The following COX4I2 variants were observed in gnomAD, a reference collection of about 807,000 sequenced individuals.
COX4I2 encodes the protein cytochrome c oxidase subunit 4 isoform 2, mitochondrial.
COX4I2 carries 15 observed loss-of-function variants against 20.8 expected under a neutral mutation model. The observed-to-expected ratio is 0.72, with a 90% CI of 0.48 to 1.11. COX4I2 has a LOEUF of 1.11. Ranked by LOEUF, COX4I2 falls within the 50% of genes most tolerant of loss-of-function variation. The pLI, the probability that COX4I2 is intolerant of heterozygous loss-of-function variation, is 0.00. For missense variants in COX4I2, 224 were observed against 223.0 expected (o/e 1.00, Z -0.03); for synonymous variants, 80 against 78.1 (o/e 1.02, Z -0.13).
intron 4 of COX4I2, 83 bp from the exon 5 acceptor site, chr20:31,644,685 T>TG: frequency 6.5e-7 from 1 of 1,537,044 alleles, no homozygotes; most frequent in Admixed American, 1.7e-5. Flanking sequence ...TGCGAGTGGC[T>TG]GGGAGGCTAC....
chr20:31,641,415 A>G (rs2060467562), intron 3 of COX4I2, among the ~76,000 whole-genome samples: 2 of 151,892 alleles, frequency 1.3e-5, no homozygotes, highest in Non-Finnish European at 2.9e-5. Flanking sequence ...ACATTCCCCA[A>G]GCAAGATGAT....
At position 31,644,970 on chromosome 20, in the gene COX4I2, C is replaced by T. The variant is rs1052396807; in HGVS notation, c.*66C>T. On this transcript the variant is annotated 3_prime_UTR_variant, in exon 5 of 5. Coordinates refer to ENST00000376075, the MANE Select transcript of COX4I2 (RefSeq NM_032609.3). ...GGGAGCCTCTGGCGGCCCCTCCCCT[C>T]CCCTGCCCTTAACCCCAGTAAAGCT... 1.3e-5 allele frequency: 21 copies of T among 1,575,374 alleles called. No individual in the cohort carries two copies. Among genetic ancestry groups the T allele is most frequent in the Non-Finnish European group, 1.6e-5 (19 of 1,155,888 alleles).
intron 3 of COX4I2, among the ~76,000 whole-genome samples, chr20:31,642,388 A>C (rs1000186674): frequency 2.0e-5 from 3 of 148,436 alleles, no homozygotes; most frequent in Non-Finnish European, 4.5e-5. Flanking sequence ...ATTTATTTTC[A>C]TATTTATTTA....
intron 4 of COX4I2, 83 bp downstream of exon 4, chr20:31,643,618 A>G (rs1284467706): frequency 1.3e-6 from 2 of 1,536,832 alleles, no homozygotes; most frequent in African/African-American, 1.4e-5. Context: ...TAAAGGAACC[A>G]TGCTGGCACT....
intron 4 of COX4I2, among the ~76,000 whole-genome samples, chr20:31,644,334 G>A (rs2094806337): frequency 6.6e-6 from 1 of 152,190 alleles, no homozygotes; most frequent in Admixed American, 6.6e-5. Flanking sequence ...TAGTGGATAG[G>A]ACCTCTTTTG....
intron 2 of COX4I2, chr20:31,639,329 C>A (rs557312713): frequency 1.3e-5 from 13 of 974,230 alleles, no homozygotes; most frequent in Non-Finnish European, 1.6e-5. Context: ...AGGAGCCAGC[C>A]CCCAAGCCTC....
intron 3 of COX4I2, among the ~76,000 whole-genome samples, chr20:31,643,150 C>T (rs1215608254): frequency 1.3e-5 from 2 of 152,236 alleles, no homozygotes; most frequent in African/African-American, 4.8e-5. Flanking sequence ...GTCACCTCCT[C>T]TGAGACACCT....
intron 1 of COX4I2, 135 bp from the exon 2 acceptor site, chr20:31,638,882 AT>A: frequency 1.1e-6 from 1 of 936,932 alleles, no homozygotes; most frequent in East Asian, 2.6e-5. Context: ...GGTCAAGGGC[AT>A]GAGGGTGACC....
Position 31,643,333 on chromosome 20 carries a change from G to A in COX4I2, c.248-71G>A. 5.7e-6 allele frequency: 9 copies of A among 1,588,944 alleles called. No individual in the cohort carries two copies. The South Asian group carries it at 1.0e-4, about 18-fold the overall frequency. On this transcript the variant is annotated intron_variant, in intron 3 of 4. Coordinates refer to ENST00000376075, the MANE Select transcript of COX4I2 (RefSeq NM_032609.3). Reference sequence around the variant, plus strand: ...TGCTGAATGAACAGCATCTGCTGCAGGGAGGGGGAAGCCGGGATCACTTAG... The same window carrying A: ...TGCTGAATGAACAGCATCTGCTGCAAGGAGGGGGAAGCCGGGATCACTTAG...
intron 1 of COX4I2, 116 bp from the exon 2 acceptor site, chr20:31,638,902 C>G: frequency 9.0e-7 from 1 of 1,115,196 alleles, no homozygotes. Context: ...CCTTGAAACA[C>G]TGGGACACCC....
At position 31,639,914 on chromosome 20, in the gene COX4I2, C is replaced by G. The variant is rs746855863; in HGVS notation, c.83-19C>G. Reference sequence around the variant, plus strand: ...TCCCAAGGGCAGCCTGGACTCAGCTCCCTCCATTGTGTCTGCAGCCCGTGG... The same window carrying G: ...TCCCAAGGGCAGCCTGGACTCAGCTGCCTCCATTGTGTCTGCAGCCCGTGG... On this transcript the variant is annotated intron_variant, in intron 2 of 4. Coordinates refer to ENST00000376075, the MANE Select transcript of COX4I2 (RefSeq NM_032609.3). The G allele has an allele frequency of 6.2e-7, 1 of 1,613,818 alleles. No individual in the cohort carries two copies. Among genetic ancestry groups the G allele is most frequent in the South Asian group, 1.1e-5 (1 of 91,074 alleles).
chr20:31,638,273 C>T (rs1006394011), intron 1 of COX4I2, among the ~76,000 whole-genome samples: 4 of 151,684 alleles, frequency 2.6e-5, no homozygotes, highest in Non-Finnish European at 5.9e-5. Context: ...CTGTAGTGTG[C>T]CCCCTCCCTC....
chr20:31,641,880 AT>A (rs1473043938), intron 3 of COX4I2, among the ~76,000 whole-genome samples: 1 of 143,876 alleles, frequency 7.0e-6, no homozygotes, highest in Non-Finnish European at 1.5e-5. Context: ...TTTTTTTTGT[AT>A]TTTTTTTGTA....
intron 4 of COX4I2, 22 bp from the exon 5 acceptor site, chr20:31,644,746 C>T: frequency 6.2e-7 from 1 of 1,613,706 alleles, no homozygotes; most frequent in Non-Finnish European, 8.5e-7. Flanking sequence ...GGATCCTGAT[C>T]CACCCCATGT....
At position 31,640,024 on chromosome 20, in the gene COX4I2, C is replaced by T. The variant is rs539460095; in HGVS notation, c.174C>T (p.Asn58=). 29 of 1,614,002 alleles carry T rather than the reference C, an allele frequency of 1.8e-5. No homozygotes were observed. Among genetic ancestry groups the T allele is most frequent in the East Asian group, 1.3e-4 (6 of 44,874 alleles). Residue 58 remains asparagine (N), a synonymous_variant, in exon 3 of 5, where the codon AAC becomes AAT. Transcript: ENST00000376075. The part of the protein sequence containing the change: ...MPEEPFCTEL[N]AEEQALKEKE... Reference sequence around the variant, plus strand: ...AAGAGCCCTTCTGCACAGAACTCAACGCTGAGGAGCAGGCCCTGAAGGAGA... The same window carrying T: ...AAGAGCCCTTCTGCACAGAACTCAATGCTGAGGAGCAGGCCCTGAAGGAGA...
At chr20:31,639,148 G>A (rs748109766) in intron 2 of COX4I2, 49 bp downstream of exon 2, 4 of 1,568,308 alleles carry the variant, frequency 2.6e-6, no homozygotes, top group African/African-American at 1.3e-5. Context: ...GATAGGGGCA[G>A]GGGTCCCCTC....
In COX4I2 at chr20:31,643,453, C is replaced by T; in HGVS notation, c.297C>T (p.Ser99=). 6.2e-7 allele frequency: 1 copy of T among 1,614,214 alleles called. No individual in the cohort carries two copies. ...NETFAEMNRR[S]NEWKTVMGCV... Reference sequence around the variant, plus strand: ...CCTTTGCGGAGATGAACCGTCGCTCCAATGAGTGGAAGACAGTGATGGGTT... The same window carrying T: ...CCTTTGCGGAGATGAACCGTCGCTCTAATGAGTGGAAGACAGTGATGGGTT... Residue 99 remains serine, a synonymous_variant, in exon 4 of 5, where the codon TCC becomes TCT. Transcript: ENST00000376075.
intron 2 of COX4I2, chr20:31,639,412 C>A: frequency 2.4e-6 from 1 of 423,776 alleles, no homozygotes. Context: ...CCTTTCCAGA[C>A]CCTAGTTTCA....
At chr20:31,640,130 T>A in intron 3 of COX4I2, 33 bp downstream of exon 3, 1 of 1,577,468 alleles carries the variant, frequency 6.3e-7, no homozygotes. Context: ...CTGGAGAGAG[T>A]GGGTTGGGGG....
Sources: allele counts gnomAD v4.1 joint callset (sites outside exome capture counted in the v4.1 genomes callset), GRCh38; gene constraint gnomAD v4.1.1; transcripts MANE v1.5; gene names NCBI Gene and HGNC (gene_info 2026-07-23, HGNC 2026-07-21).